OAF: variants seen among roughly 807,000 people sequenced by gnomAD.
OAF encodes the protein out at first protein homolog.
Under a neutral mutation model 22.5 loss-of-function variants are expected in OAF, and 13 were observed. The ratio of observed to expected loss-of-function variants is 0.58; its 90% CI spans 0.38 to 0.92. The LOEUF (loss-of-function observed/expected upper bound fraction) is 0.92, where lower values mean the gene tolerates loss of function less well. Ranked by LOEUF, OAF falls within the 40% of genes least tolerant of loss-of-function variation. The pLI, the probability that OAF is intolerant of heterozygous loss-of-function variation, is 0.00. For missense variants in OAF, 347 were observed against 381.8 expected (o/e 0.91, Z 0.76); for synonymous variants, 175 against 170.5 (o/e 1.03, Z -0.21).
chr11:120,214,647 C>T (rs896590978), intron 1 of OAF, among the ~76,000 whole-genome samples: 3 of 152,180 alleles, frequency 2.0e-5, no homozygotes, highest in South Asian at 4.1e-4. Flanking sequence ...CCCTATCCAG[C>T]CCCCTCTCTC....
In OAF at chr11:120,211,424, C is replaced by T; in HGVS notation, c.145C>T (p.Gln49Ter). 1 of 1,555,246 alleles carries T rather than the reference C, an allele frequency of 6.4e-7. No homozygotes were observed. Among genetic ancestry groups the T allele is most frequent in the South Asian group, 1.2e-5 (1 of 84,154 alleles). ...PDGQVTEESL[Q>*]ADSDADSISL... ...CGGCCAGGTGACCGAGGAGAGCCTG[C>T]AGGCGGACAGCGACGCGGACAGCAT... The change falls in exon 1 of 4, where the codon CAG becomes TAG. Residue 49 changes from glutamine to a stop codon, truncating the protein, a stop_gained. Coordinates refer to ENST00000328965, the MANE Select transcript of OAF (RefSeq NM_178507.4). LOFTEE classifies it high-confidence loss of function.
At chr11:120,212,972 A>G (rs1938171097) in intron 1 of OAF, among the ~76,000 whole-genome samples, 1 of 151,462 alleles carries the variant, frequency 6.6e-6, no homozygotes, top group Non-Finnish European at 1.5e-5. Flanking sequence ...AATCTATGTT[A>G]GTGGCTGGAT....
chr11:120,211,085 G>T lies in OAF; in HGVS notation c.-195G>T, dbSNP rs1275486403. ...CGGGGCAGCGCCGTCTCCGCCTCGG[G>T]GCCGCCGGGGGCGCCCTGCTGAGCG... is the stretch of plus-strand genomic sequence containing the variant. On this transcript the variant is annotated 5_prime_UTR_variant, in exon 1 of 4. Transcript: ENST00000328965. 1 of 195,954 alleles carries T rather than the reference G, an allele frequency of 5.1e-6. No individual in the cohort carries two copies. The highest frequency in any genetic ancestry group is 6.0e-5 in the Admixed American group (1 of 16,622). 12.1% of individuals were successfully genotyped at this position (195,954 alleles called of 1,614,324 possible).
chr11:120,211,191 C>G lies in OAF; in HGVS notation c.-89C>G, dbSNP rs974221717. 9.5e-6 allele frequency: 8 copies of G among 844,796 alleles called. No individual in the cohort carries two copies. In the African/African-American group the frequency reaches 1.3e-4, roughly 13 times the overall value. 52.3% of individuals were successfully genotyped at this position (844,796 alleles called of 1,614,324 possible). On this transcript the variant is annotated 5_prime_UTR_variant, in exon 1 of 4. Transcript: ENST00000328965. ...CGGAGCGGCTCCCGGGCGCCCCGAA[C>G]TAGCCCCCAACTTTGGGCGAAGTTT...
At chr11:120,213,789 T>A (rs1938179681) in intron 1 of OAF, 1 of 152,218 alleles carries the variant, frequency 6.6e-6, no homozygotes, top group Non-Finnish European at 1.5e-5. Flanking sequence ...AGAAAAAGAC[T>A]TCGGCTCGGT....
chr11:120,228,833 T>TC (rs1219922559), intron 3 of OAF, 35 bp from the exon 4 acceptor site: 2 of 267,668 alleles, frequency 7.5e-6, no homozygotes, highest in South Asian at 2.7e-5. Context: ...CCTCCCTCCC[T>TC]CCCTCCCTCC....
intron 1 of OAF, among the ~76,000 whole-genome samples, chr11:120,225,274 GAAAA>G (rs746592455): frequency 7.2e-6 from 1 of 139,724 alleles, no homozygotes; most frequent in East Asian, 2.1e-4. Context: ...CAACTACAAA[GAAAA>G]AAAAAAAAGA....
Position 120,229,100 on chromosome 11 carries a change from G to A in OAF, c.780G>A (p.Gln260=), listed in dbSNP as rs745514310. 4.3e-6 allele frequency: 7 copies of A among 1,613,496 alleles called. No homozygotes were observed. The highest frequency in any genetic ancestry group is 2.7e-5 in the African/African-American group (2 of 74,938). Residue 260 remains glutamine (Q), a synonymous_variant, in exon 4 of 4, where the codon CAG becomes CAA. Transcript: ENST00000328965. ...KSYSFDFYVP[Q]RQLCLWDEDP... ...ACAGCTTCGACTTCTACGTGCCCCAGAGGCAGCTGTGTCTCTGGGATGAGG... is the reference window on the plus strand; with the variant it reads ...ACAGCTTCGACTTCTACGTGCCCCAAAGGCAGCTGTGTCTCTGGGATGAGG...
chr11:120,227,825 C>T (rs1938380795), intron 3 of OAF, among the ~76,000 whole-genome samples: 1 of 152,144 alleles, frequency 6.6e-6, no homozygotes, highest in South Asian at 2.1e-4. Context: ...CCCAACCAAG[C>T]TGTGGTCTTG....
chr11:120,212,995 G>T (rs1222321143), intron 1 of OAF, among the ~76,000 whole-genome samples: 1 of 151,342 alleles, frequency 6.6e-6, no homozygotes, highest in Non-Finnish European at 1.5e-5. Flanking sequence ...ATCAGGAATC[G>T]GGGATCTAAT....
chr11:120,228,414 C>G (rs1415079300), intron 3 of OAF, among the ~76,000 whole-genome samples: 1 of 152,168 alleles, frequency 6.6e-6, no homozygotes, highest in Non-Finnish European at 1.5e-5. Context: ...CCTTCCTTGA[C>G]TTCCAACCTT....
intron 1 of OAF, among the ~76,000 whole-genome samples, chr11:120,212,261 GGTGGGTGTGGGT>G (rs1188315883): frequency 6.9e-6 from 1 of 145,558 alleles, no homozygotes; most frequent in Non-Finnish European, 1.5e-5. Flanking sequence ...TGGGTGGGTG[GGTGGGTGTGGGT>G]GTGTGGGTGT....
At chr11:120,225,574 C>A in intron 1 of OAF, 87 bp from the exon 2 acceptor site, 1 of 1,244,394 alleles carries the variant, frequency 8.0e-7, no homozygotes, top group Non-Finnish European at 1.1e-6. Flanking sequence ...TCCAGGCATC[C>A]TGTTCAGGGG....
In OAF at chr11:120,215,413, C is replaced by G. The variant is rs192926436; in HGVS notation, c.231+3903C>G. 7.8e-3 allele frequency among the ~76,000 whole-genome samples: 1,194 copies of G among 152,202 alleles called. 10 individuals carry two copies. The highest frequency in any genetic ancestry group is 0.013 in the Non-Finnish European group (870 of 68,010). ...AGTTGCTCTAGGGGAGGGGAGGGGA[C>G]CTGGAGAAGGAGCCAGCTCAGGTTA... On this transcript the variant is annotated intron_variant, in intron 1 of 3. Transcript: ENST00000328965.
chr11:120,226,420 C>T (rs898142421), intron 2 of OAF, among the ~76,000 whole-genome samples: 1 of 152,252 alleles, frequency 6.6e-6, no homozygotes, highest in Non-Finnish European at 1.5e-5. Context: ...GGCCTCCTCG[C>T]CCCTGCGCTT....
At chr11:120,227,681 C>T (rs143989712) in intron 3 of OAF, among the ~76,000 whole-genome samples, 721 of 152,254 alleles carry the variant, frequency 4.7e-3, no homozygotes, top group Middle Eastern at 0.041. Context: ...TTTCCAGGAC[C>T]GCCCTCAGGT....
At chr11:120,213,889 C>G (rs570089718) in intron 1 of OAF, 25 of 152,198 alleles carry the variant, frequency 1.6e-4, no homozygotes, top group African/African-American at 5.3e-4. Context: ...TCAGGCCAAA[C>G]GAGACCCCTG....
intron 1 of OAF, among the ~76,000 whole-genome samples, chr11:120,218,908 G>C (rs1163229171): frequency 6.6e-6 from 1 of 152,214 alleles, no homozygotes; most frequent in Non-Finnish European, 1.5e-5. Flanking sequence ...AAGGCAGGGT[G>C]CCAGAGGAGA....
intron 1 of OAF, among the ~76,000 whole-genome samples, chr11:120,216,324 C>G (rs1938212446): frequency 6.6e-6 from 1 of 152,162 alleles, no homozygotes; most frequent in Non-Finnish European, 1.5e-5. Context: ...GACCGAGAAG[C>G]TTTCAGGGCC....
Sources: allele counts gnomAD v4.1 joint callset (sites outside exome capture counted in the v4.1 genomes callset), GRCh38; gene constraint gnomAD v4.1.1; transcripts MANE v1.5; gene names NCBI Gene and HGNC (gene_info 2026-07-23, HGNC 2026-07-21).